The following MCRIP2 variants were observed in gnomAD, a reference collection of about 807,000 sequenced individuals.
The protein encoded by MCRIP2 is MAPK regulated corepressor interacting protein 2.
MCRIP2 carries 21 observed loss-of-function variants against 23.2 expected under a neutral mutation model. The observed-to-expected ratio is 0.90, with a 90% CI of 0.64 to 1.30. The LOEUF (loss-of-function observed/expected upper bound fraction) is 1.30, where lower values mean the gene tolerates loss of function less well. MCRIP2 is among the 50% of genes most tolerant of loss of function. The probability of loss-of-function intolerance (pLI) is 0.00; values close to 1 mark genes in which losing one functional copy is unlikely to be tolerated. For missense variants in MCRIP2, 234 were observed against 223.2 expected (o/e 1.05, Z -0.31); for synonymous variants, 121 against 100.2 (o/e 1.21, Z -1.24).
chr16:644,448 AT>A (rs1372105249), intron 2 of MCRIP2, among the ~76,000 whole-genome samples: 2 of 151,028 alleles, frequency 1.3e-5, no homozygotes, highest in East Asian at 3.9e-4. Flanking sequence ...ACTTCATTTA[AT>A]TTTTTTCTTT....
chr16:644,432 T>A (rs886876101), intron 2 of MCRIP2, among the ~76,000 whole-genome samples: 1 of 152,012 alleles, frequency 6.6e-6, no homozygotes, highest in Admixed American at 6.6e-5. Flanking sequence ...CACCTCGCTG[T>A]TTTTTACTTC....
chr16:648,281 C>A lies in MCRIP2; in HGVS notation c.*91C>A. The A allele has an allele frequency of 1.6e-6, 2 of 1,249,704 alleles. No homozygotes were observed. Among genetic ancestry groups the A allele is most frequent in the Non-Finnish European group, 2.3e-6 (2 of 880,158 alleles). 77.4% of individuals were successfully genotyped at this position (1,249,704 alleles called of 1,614,324 possible). On this transcript the variant is annotated 3_prime_UTR_variant, in exon 5 of 5. Coordinates refer to ENST00000307650, the MANE Select transcript of MCRIP2 (RefSeq NM_138418.4). ...CCCACCCACTGCGCCTGGCTGGGTGCCGGCCACACCTGAAGTGCCAGCATT... is the reference window on the plus strand; with the variant it reads ...CCCACCCACTGCGCCTGGCTGGGTGACGGCCACACCTGAAGTGCCAGCATT...
At chr16:643,605 C>T (rs1330371794) in intron 2 of MCRIP2, among the ~76,000 whole-genome samples, 3 of 140,084 alleles carry the variant, frequency 2.1e-5, no homozygotes, top group Non-Finnish European at 3.0e-5. Context: ...AGTGCAGTGG[C>T]GCAATCTCAG....
intron 2 of MCRIP2, chr16:647,132 A>G: frequency 2.1e-6 from 1 of 465,436 alleles, no homozygotes; most frequent in Non-Finnish European, 3.9e-6. Flanking sequence ...GTGGGGCCCG[A>G]CCAAAGGTTT....
chr16:644,931 G>A lies in MCRIP2; in HGVS notation c.183-2486G>A, dbSNP rs1180932329. Among the ~76,000 whole-genome samples, 4 of 152,058 alleles carry A rather than the reference G, an allele frequency of 2.6e-5. No homozygotes were observed. The East Asian group carries it at 7.7e-4, about 29-fold the overall frequency. On this transcript the variant is annotated intron_variant, in intron 2 of 4. Transcript: ENST00000307650. ...CTGGGCACTGCCCACGACAGTGACA[G>A]ACCAGATAAACCTTGGTTTGTTTTT...
chr16:648,102 A>G lies in MCRIP2; in HGVS notation c.413-18A>G. On this transcript the variant is annotated intron_variant, in intron 4 of 4. Transcript: ENST00000307650. Reference sequence around the variant, plus strand: ...GGCCTGGGAGGCAGCATCACTGCCCAGCCTTCTCTGCCCACAGACTTTGTG... The same window carrying G: ...GGCCTGGGAGGCAGCATCACTGCCCGGCCTTCTCTGCCCACAGACTTTGTG... The G allele has an allele frequency of 6.3e-7, 1 of 1,587,144 alleles. No homozygotes were observed.
intron 2 of MCRIP2, chr16:647,087 T>C (rs1012871318): frequency 2.1e-5 from 7 of 334,622 alleles, no homozygotes; most frequent in African/African-American, 1.3e-4. Flanking sequence ...GGTGGCAGCA[T>C]GGGCACCTGC....
chr16:645,583 T>A (rs1024528889), intron 2 of MCRIP2: 1 of 152,174 alleles, frequency 6.6e-6, no homozygotes, highest in Non-Finnish European at 1.5e-5. Flanking sequence ...AAGTTCTTCC[T>A]CCTGGTGGGA....
intron 4 of MCRIP2, 25 bp from the exon 5 acceptor site, chr16:648,095 A>G (rs756748600): frequency 1.3e-6 from 2 of 1,577,046 alleles, no homozygotes; most frequent in Non-Finnish European, 1.7e-6. Context: ...AGGCAGCATC[A>G]CTGCCCAGCC....
At position 648,162 on chromosome 16, in the gene MCRIP2, T is replaced by A; in HGVS notation, c.455T>A (p.Phe152Tyr). Residue 152 changes from phenylalanine (F) to tyrosine (Y), a missense_variant, in exon 5 of 5, where the codon TTC becomes TAC. Coordinates refer to ENST00000307650, the MANE Select transcript of MCRIP2 (RefSeq NM_138418.4). ...CTAGACGAGTGGTGGGCGCAGCAGT[T>A]CCTGGCGAGAATCACCAGCTGTTCC... is the stretch of plus-strand genomic sequence containing the variant. The part of the protein sequence containing the change: ...IDLDEWWAQQ[F>Y]LARITSCS The A allele has an allele frequency of 6.2e-7, 1 of 1,611,338 alleles. No individual in the cohort carries two copies. The highest frequency in any genetic ancestry group is 8.5e-7 in the Non-Finnish European group (1 of 1,179,310).
chr16:643,745 G>A (rs2037408906), intron 2 of MCRIP2, among the ~76,000 whole-genome samples: 1 of 152,078 alleles, frequency 6.6e-6, no homozygotes. Flanking sequence ...TGTTGGCCAG[G>A]ATGGGCTCGA....
Position 646,971 on chromosome 16 carries a change from G to A in MCRIP2, c.183-446G>A. 85 of 163,736 alleles carry A rather than the reference G, an allele frequency of 5.2e-4. No homozygotes were observed. Among genetic ancestry groups the A allele is most frequent in the South Asian group, 3.5e-3 (20 of 5,690 alleles). 10.1% of individuals were successfully genotyped at this position (163,736 alleles called of 1,614,324 possible). ...AGATGGAGGTGCTTCTGTGGGGCGA[G>A]AATGTGGCCTAGAACTACACCCAGA... On this transcript the variant is annotated intron_variant, in intron 2 of 4. Transcript: ENST00000307650. The surrounding 1 kb of genome is among the most constrained non-coding windows in gnomAD (Gnocchi z 6.5).
At chr16:643,479 G>A (rs1482357576) in intron 2 of MCRIP2, among the ~76,000 whole-genome samples, 1 of 151,552 alleles carries the variant, frequency 6.6e-6, no homozygotes, top group Non-Finnish European at 1.5e-5. Context: ...ATGCTTCCCA[G>A]AGTTCTCCAT....
chr16:644,735 C>T (rs982048150), intron 2 of MCRIP2, among the ~76,000 whole-genome samples: 3 of 152,028 alleles, frequency 2.0e-5, no homozygotes, highest in South Asian at 2.1e-4. Context: ...CCACCGCGCC[C>T]GGCCCTGCCC....
intron 2 of MCRIP2, among the ~76,000 whole-genome samples, chr16:643,692 G>A (rs901829098): frequency 2.6e-5 from 4 of 151,728 alleles, no homozygotes; most frequent in Non-Finnish European, 4.4e-5. Context: ...CTACAGGTGC[G>A]TGCCACCATG....
rs370044439 is a variant in MCRIP2 at position 647,536 on chromosome 16, T to A, written c.302T>A (p.Val101Glu). Residue 101 changes from valine to glutamate, a missense_variant, in exon 3 of 5, where the codon GTG becomes GAG. Val to Glu is a moderately radical substitution (Grantham distance 121). Coordinates refer to ENST00000307650, the MANE Select transcript of MCRIP2 (RefSeq NM_138418.4). ...GCCCACGAGGAGAATGTCCGCTTTG[T>A]GTCCGAAGGTAGCGAGCGGGGCCAG... ...TVAHEENVRFVSEAWQQVQQQ... is the reference protein window; with the variant it reads ...TVAHEENVRFESEAWQQVQQQ... 6.6e-5 allele frequency: 107 copies of A among 1,613,184 alleles called. No individual in the cohort carries two copies. Among genetic ancestry groups the A allele is most frequent in the Non-Finnish European group, 8.9e-5 (105 of 1,179,850 alleles).
chr16:644,382 A>G (rs562612076), intron 2 of MCRIP2, among the ~76,000 whole-genome samples: 8 of 151,686 alleles, frequency 5.3e-5, no homozygotes, highest in South Asian at 2.1e-4. Context: ...TGCTTGGCCA[A>G]CCACCTTCCC....
intron 2 of MCRIP2, among the ~76,000 whole-genome samples, chr16:644,531 C>A (rs982141390): frequency 6.6e-6 from 1 of 152,122 alleles, no homozygotes; most frequent in Non-Finnish European, 1.5e-5. Flanking sequence ...GCAGCCTCAA[C>A]CTCCCAGGTT....
In MCRIP2 at chr16:647,904, C is replaced by T. The variant is rs2037535065; in HGVS notation, c.412+20C>T. 1 of 1,117,862 alleles carries T rather than the reference C, an allele frequency of 8.9e-7. No homozygotes were observed. Among genetic ancestry groups the T allele is most frequent in the Non-Finnish European group, 1.2e-6 (1 of 828,238 alleles). The allele number at this position is 1,117,862 out of a possible 1,614,324, so 69.2% of individuals were successfully genotyped here. A position where few individuals can be genotyped will look rare whatever the true frequency, so the allele number is the denominator to read the frequency against. On this transcript the variant is annotated intron_variant, in intron 4 of 4. Coordinates refer to ENST00000307650, the MANE Select transcript of MCRIP2 (RefSeq NM_138418.4). ...TGCAGAGTGAGCCCCCCAACCCTGT[C>T]CCCCCAGGAGAGACCCCCCAGCCCC...
Sources: gnomAD v4.1 joint callset for allele counts (sites outside exome capture counted in the v4.1 genomes callset) on GRCh38, gnomAD v4.1.1 for gene constraint, Gnocchi (gnomAD v3.1) non-coding constraint, MANE v1.5 for transcripts, NCBI Gene and HGNC (gene_info 2026-07-23, HGNC 2026-07-21) for gene names.